Variants in DOK3 observed in about 807,000 individuals in gnomAD.
The protein encoded by DOK3 is Dok-like protein.
DOK3 carries 23 observed loss-of-function variants against 26.2 expected under a neutral mutation model. The observed-to-expected ratio is 0.88, with a 90% CI of 0.63 to 1.24. The LOEUF is 1.24. DOK3 is among the 50% of genes most tolerant of loss of function. The probability of loss-of-function intolerance (pLI) is 0.00; values close to 1 mark genes in which losing one functional copy is unlikely to be tolerated. For synonymous variants in DOK3, 268 were observed against 268.2 expected (o/e 1.00, Z 0.01); for missense variants, 619 against 610.6 (o/e 1.01, Z -0.15).
At position 177,509,788 on chromosome 5, in the gene DOK3, G is replaced by A; in HGVS notation, c.-148C>T. Reference sequence around the variant, plus strand: ...GGGAGCCCCCGGCCACCTGAAGGCAGCCTTCTCACGCACCTGGTTCAGCTG... The same window carrying A: ...GGGAGCCCCCGGCCACCTGAAGGCAACCTTCTCACGCACCTGGTTCAGCTG... On this transcript the variant is annotated 5_prime_UTR_variant, in exon 1 of 6. Coordinates refer to ENST00000510898, the MANE Select transcript of DOK3 (RefSeq NM_001308236.3). 1 of 1,612,102 alleles carries A rather than the reference G, an allele frequency of 6.2e-7. No individual in the cohort carries two copies. Among genetic ancestry groups the A allele is most frequent in the Non-Finnish European group, 8.5e-7 (1 of 1,179,980 alleles).
chr5:177,510,114 G>C, upstream of DOK3: 1 of 602,002 alleles, frequency 1.7e-6, no homozygotes. Context: ...GCCCCACTGG[G>C]CCTCCATGCA....
chr5:177,509,712 G>C, intron 1 of DOK3, 46 bp downstream of exon 1: 1 of 1,609,172 alleles, frequency 6.2e-7, no homozygotes, highest in Admixed American at 1.7e-5. Flanking sequence ...GGGGCAGCAT[G>C]TATTTCCTCC....
intron 3 of DOK3, among the ~76,000 whole-genome samples, chr5:177,507,608 C>T (rs1581789837): frequency 1.3e-5 from 2 of 152,268 alleles, no homozygotes; most frequent in East Asian, 3.9e-4. Context: ...TGTTCAAGTT[C>T]TCTTGGGCAC....
rs548832354 is a variant in DOK3 at position 177,503,181 on chromosome 5, C to A, written c.*802G>T. On this transcript the variant is annotated 3_prime_UTR_variant, in exon 6 of 6. Coordinates refer to ENST00000510898, the MANE Select transcript of DOK3 (RefSeq NM_001308236.3). ...CCAGGAGCAGGAGCAGAGGAGGGAACGCAGCATGGAAGTCTTCAGGAAACT... is the reference window on the plus strand; with the variant it reads ...CCAGGAGCAGGAGCAGAGGAGGGAAAGCAGCATGGAAGTCTTCAGGAAACT... 1.3e-6 allele frequency: 2 copies of A among 1,551,182 alleles called. No individual in the cohort carries two copies. The highest frequency in any genetic ancestry group is 1.4e-5 in the African/African-American group (1 of 72,898).
In DOK3 at chr5:177,509,649, T is replaced by C. The variant is rs28565502; in HGVS notation, c.-109A>G. The C allele has an allele frequency of 1, 1,584,959 of 1,587,474 alleles. 791,270 individuals carry two copies. Among genetic ancestry groups the C allele is most frequent in the East Asian group, 1 (44,580 of 44,580 alleles). On this transcript the variant is annotated 5_prime_UTR_variant, in exon 2 of 6. Transcript: ENST00000510898. ...TCTGGCCACTTCCCGTCCCTCCGTC[T>C]AGAGACAGCTGCAGGCCGGGGGGAG...
chr5:177,507,736 G>C (rs1017074427), intron 3 of DOK3, among the ~76,000 whole-genome samples: 1 of 152,134 alleles, frequency 6.6e-6, no homozygotes, highest in African/African-American at 2.4e-5. Context: ...AACATGTCCG[G>C]CTTAAACCCT....
chr5:177,509,963 C>T (rs138066118), upstream of DOK3: 3,999 of 1,425,210 alleles, frequency 2.8e-3, 43 homozygotes, highest in South Asian at 0.022. Context: ...CTGGCTTTCC[C>T]ACTCGGCGTC....
chr5:177,508,179 G>T lies in DOK3; in HGVS notation c.372+58C>A, dbSNP rs997042673. 1.3e-4 allele frequency: 178 copies of T among 1,422,090 alleles called. 9 individuals are homozygous for T. The South Asian group carries it at 2.5e-3, about 20-fold the overall frequency. 88.1% of individuals were successfully genotyped at this position (1,422,090 alleles called of 1,614,324 possible). On this transcript the variant is annotated intron_variant, in intron 3 of 5. Transcript: ENST00000510898. Reference sequence around the variant, plus strand: ...TGGGTGATGGGATGTGAGCGTGGAGGTGGACAAGTCGGGGGCAGGTGCCCC... The same window carrying T: ...TGGGTGATGGGATGTGAGCGTGGAGTTGGACAAGTCGGGGGCAGGTGCCCC...
rs760161138 is a variant in DOK3 at position 177,504,570 on chromosome 5, C to G, written c.736G>C (p.Ala246Pro). Residue 246 changes from alanine to proline, a missense_variant, in exon 6 of 6, where the codon GCT (alanine) becomes CCT (proline). Ala to Pro is a conservative substitution (Grantham distance 27). Coordinates refer to ENST00000510898, the MANE Select transcript of DOK3 (RefSeq NM_001308236.3). Reference protein sequence around the residue: ...STPCAPDLCRAVAGAIARQRE... With the variant: ...STPCAPDLCRPVAGAIARQRE... ...TGGCGGGCGATGGCCCCGGCCACAGCCCTGCACAGGTCAGGGGCACAGGGG... is the reference window on the plus strand; with the variant it reads ...TGGCGGGCGATGGCCCCGGCCACAGGCCTGCACAGGTCAGGGGCACAGGGG... The G allele has an allele frequency of 1.2e-6, 2 of 1,602,324 alleles. No homozygotes were observed. The highest frequency in any genetic ancestry group is 2.7e-5 in the African/African-American group (2 of 74,828).
chr5:177,507,113 A>G (rs1217464757), intron 3 of DOK3, among the ~76,000 whole-genome samples: 1 of 151,628 alleles, frequency 6.6e-6, no homozygotes, highest in Admixed American at 6.6e-5. Context: ...CCCTTCCTCC[A>G]GCTCCTGCCA....
intron 3 of DOK3, 127 bp downstream of exon 3, chr5:177,508,110 T>G (rs917861275): frequency 8.4e-7 from 1 of 1,195,806 alleles, no homozygotes; most frequent in African/African-American, 1.5e-5. Flanking sequence ...AGAGTCATTA[T>G]AGATTTACTT....
intron 2 of DOK3, chr5:177,508,802 G>A (rs1321184749): frequency 9.6e-6 from 4 of 417,914 alleles, no homozygotes; most frequent in East Asian, 7.0e-5. Flanking sequence ...ACTCGAGCTG[G>A]GACTGCTACT....
chr5:177,510,060 G>T, upstream of DOK3: 1 of 681,116 alleles, frequency 1.5e-6, no homozygotes, highest in Non-Finnish European at 2.5e-6. Context: ...CACCTCACGA[G>T]CCACTGAACA....
Position 177,504,592 on chromosome 5 carries a change from G to A in DOK3, c.714C>T (p.Pro238=), listed in dbSNP as rs1455862357. ...SGEGLFAFST[P]CAPDLCRAVA... Reference sequence around the variant, plus strand: ...CAGCCCTGCACAGGTCAGGGGCACAGGGGGTGCTGAAGGCAAAGAGGCCCT... The same window carrying A: ...CAGCCCTGCACAGGTCAGGGGCACAAGGGGTGCTGAAGGCAAAGAGGCCCT... The change falls in exon 6 of 6, where the codon CCC becomes CCT. Residue 238 remains proline, a synonymous_variant. Transcript: ENST00000510898. 1.9e-6 allele frequency: 3 copies of A among 1,608,510 alleles called. No individual in the cohort carries two copies. The highest frequency in any genetic ancestry group is 1.7e-4 in the Middle Eastern group (1 of 5,984).
chr5:177,508,142 G>C, intron 3 of DOK3, 95 bp downstream of exon 3: 2 of 1,346,692 alleles, frequency 1.5e-6, no homozygotes, highest in Non-Finnish European at 1.9e-6. Flanking sequence ...GTAGGTGCTC[G>C]GTGGAGCTTG....
Position 177,503,139 on chromosome 5 carries a change from T to A in DOK3, c.*844A>T, listed in dbSNP as rs201537959. On this transcript the variant is annotated 3_prime_UTR_variant, in exon 6 of 6. Coordinates refer to ENST00000510898, the MANE Select transcript of DOK3 (RefSeq NM_001308236.3). ...GAGGCATGACGCTTGCGTGCGTGGC[T>A]GGCTCCTAGGATGGCGCCAGGAGCA... The A allele has an allele frequency of 6.5e-7, 1 of 1,549,548 alleles. No homozygotes were observed. Among genetic ancestry groups the A allele is most frequent in the Admixed American group, 2.0e-5 (1 of 50,790 alleles).
At chr5:177,504,694 G>A in intron 5 of DOK3, 34 bp from the exon 6 acceptor site, 2 of 1,613,746 alleles carry the variant, frequency 1.2e-6, no homozygotes, top group South Asian at 1.1e-5. Context: ...GGATTAGCAG[G>A]AGGGTCCAGG....
intron 2 of DOK3, 45 bp from the exon 3 acceptor site, chr5:177,508,587 T>G: frequency 6.8e-7 from 1 of 1,466,366 alleles, no homozygotes; most frequent in South Asian, 1.4e-5. Flanking sequence ...GGTGGCAGAT[T>G]GTCCGTGCCA....
Position 177,504,462 on chromosome 5 carries a change from C to CG in DOK3, c.843dup (p.Gly282ArgfsTer11). On this transcript the variant is annotated frameshift_variant, in exon 6 of 6. Coordinates refer to ENST00000510898, the MANE Select transcript of DOK3 (RefSeq NM_001308236.3). LOFTEE classifies it low-confidence loss of function (END_TRUNC). ...CCTGGTGGCATCTCCCGAAGCTCTC[C>CG]GGGGGTGTCCAGGGAGGGCAGAGAG... 6.3e-7 allele frequency: 1 copy of CG among 1,582,092 alleles called. No individual in the cohort carries two copies. The highest frequency in any genetic ancestry group is 8.6e-7 in the Non-Finnish European group (1 of 1,165,458).
Sources: allele counts gnomAD v4.1 joint callset (sites outside exome capture counted in the v4.1 genomes callset), GRCh38; gene constraint gnomAD v4.1.1; transcripts MANE v1.5; gene names NCBI Gene and HGNC (gene_info 2026-07-23, HGNC 2026-07-21).